Variants in SRBD1 observed in about 807,000 individuals in gnomAD.
SRBD1 encodes S1 RNA-binding domain-containing protein 1.
SRBD1 carries 88 observed loss-of-function variants against 115.3 expected under a neutral mutation model. The ratio of observed to expected loss-of-function variants is 0.76; its 90% CI spans 0.64 to 0.91. The LOEUF (loss-of-function observed/expected upper bound fraction) is 0.91, where lower values mean the gene tolerates loss of function less well. Ranked by LOEUF, SRBD1 falls within the 40% of genes least tolerant of loss-of-function variation. SRBD1 has a pLI of 0.00. For synonymous variants in SRBD1, 509 were observed against 407.7 expected (o/e 1.25, Z -2.99); for missense variants, 1,385 against 1,177.4 (o/e 1.18, Z -2.58).
chr2:45,507,197 T>C (rs1021773826), intron 14 of SRBD1, among the ~76,000 whole-genome samples: 5 of 152,240 alleles, frequency 3.3e-5, no homozygotes, highest in African/African-American at 9.6e-5. Context: ...GTATCTCAAC[T>C]GAAATACAAG....
chr2:45,485,726 A>T lies in SRBD1; in HGVS notation c.1966+2514T>A, dbSNP rs144373841. Among the ~76,000 whole-genome samples, 7 of 152,336 alleles carry T rather than the reference A, an allele frequency of 4.6e-5. No homozygotes were observed. The East Asian group carries it at 1.2e-3, about 25-fold the overall frequency. On this transcript the variant is annotated intron_variant, in intron 15 of 20. Transcript: ENST00000263736. ...AAGTTCTGTTATATTCTTATACAGC[A>T]AACTTTTAGAGGACTTAAAGGTAAA...
intron 1 of SRBD1, 113 bp from the exon 2 acceptor site, chr2:45,605,554 A>C: frequency 6.2e-6 from 6 of 968,186 alleles, no homozygotes; most frequent in Non-Finnish European, 7.9e-6. Flanking sequence ...AACAAAAACA[A>C]TGATGTTTAT....
intron 1 of SRBD1, among the ~76,000 whole-genome samples, chr2:45,608,280 C>A (rs1399226483): frequency 1.3e-5 from 2 of 152,064 alleles, no homozygotes; most frequent in Admixed American, 1.3e-4. Context: ...TTTCTTTTCA[C>A]AAATGTTAAA....
intron 18 of SRBD1, among the ~76,000 whole-genome samples, chr2:45,414,496 ATAGT>A (rs1344717482): frequency 3.3e-5 from 5 of 150,764 alleles, no homozygotes; most frequent in South Asian, 2.1e-4. Flanking sequence ...CAGTGTGTAT[ATAGT>A]GTGTGTGTAC....
chr2:45,555,077 C>G (rs1442296855), intron 10 of SRBD1, among the ~76,000 whole-genome samples: 3 of 152,114 alleles, frequency 2.0e-5, no homozygotes, highest in African/African-American at 7.2e-5. Flanking sequence ...TCCTTTCCCT[C>G]CACGATCCCC....
intron 16 of SRBD1, among the ~76,000 whole-genome samples, chr2:45,439,274 T>C (rs1668589519): frequency 6.6e-6 from 1 of 151,772 alleles, no homozygotes; most frequent in Non-Finnish European, 1.5e-5. Context: ...AATATATGGG[T>C]AAATATAAAA....
chr2:45,459,859 G>A (rs1170238691), intron 16 of SRBD1, among the ~76,000 whole-genome samples: 1 of 152,120 alleles, frequency 6.6e-6, no homozygotes, highest in African/African-American at 2.4e-5. Flanking sequence ...CACTGAACAA[G>A]GATGGTGCCA....
At chr2:45,406,883 T>C (rs895462504) in intron 19 of SRBD1, among the ~76,000 whole-genome samples, 11 of 152,308 alleles carry the variant, frequency 7.2e-5, no homozygotes, top group Admixed American at 4.6e-4. Context: ...CTTTTTTTTT[T>C]TTCTTCTTAA....
chr2:45,533,566 T>C (rs1671677232), intron 14 of SRBD1, among the ~76,000 whole-genome samples: 1 of 152,062 alleles, frequency 6.6e-6, no homozygotes. Context: ...CAAAATTGTA[T>C]ACAGGAAATT....
chr2:45,581,731 T>A lies in SRBD1; in HGVS notation c.895A>T (p.Met299Leu), dbSNP rs761468640. 1.2e-6 allele frequency: 2 copies of A among 1,613,464 alleles called. No homozygotes were observed. Among genetic ancestry groups the A allele is most frequent in the Non-Finnish European group, 1.7e-6 (2 of 1,179,788 alleles). ...TCTTCAAAAGTTTTACAATTCAGCATGGCTTTTAACAAGCACTCAGACATC... is the reference window on the plus strand; with the variant it reads ...TCTTCAAAAGTTTTACAATTCAGCAAGGCTTTTAACAAGCACTCAGACATC... ...GKMSECLLKA[M>L]LNCKTFEELE... The change falls in exon 6 of 21, where the codon ATG (methionine) becomes TTG (leucine). Residue 299 changes from methionine to leucine, a missense_variant. Transcript: ENST00000263736.
chr2:45,534,166 C>T (rs1671695136), intron 14 of SRBD1, among the ~76,000 whole-genome samples: 1 of 151,982 alleles, frequency 6.6e-6, no homozygotes, highest in African/African-American at 2.4e-5. Flanking sequence ...ACCACACACA[C>T]ATATACATAC....
chr2:45,553,609 G>C lies in SRBD1; in HGVS notation c.1517+14C>G, dbSNP rs1218711125. 5 of 1,528,000 alleles carry C rather than the reference G, an allele frequency of 3.3e-6. No homozygotes were observed. Among genetic ancestry groups the C allele is most frequent in the East Asian group, 2.3e-5 (1 of 43,542 alleles). The allele number at this position is 1,528,000 out of a possible 1,614,324, so 94.7% of individuals were successfully genotyped here. A position where few individuals can be genotyped will look rare whatever the true frequency, so the allele number is the denominator to read the frequency against. On this transcript the variant is annotated intron_variant, in intron 11 of 20. Transcript: ENST00000263736. ...ATAATCAGTACACAAAATTAAACAA[G>C]ACAAGATATATACCTGAATTCTCTA...
chr2:45,449,470 G>A (rs926021422), intron 16 of SRBD1, among the ~76,000 whole-genome samples: 4 of 152,112 alleles, frequency 2.6e-5, no homozygotes, highest in Admixed American at 6.6e-5. Flanking sequence ...ATCGCCATAT[G>A]ACTTCAAAGT....
chr2:45,494,287 A>C (rs1274230279), intron 14 of SRBD1, among the ~76,000 whole-genome samples: 2 of 152,176 alleles, frequency 1.3e-5, no homozygotes, highest in African/African-American at 4.8e-5. Context: ...TTTCTGCAAT[A>C]ACCATGTAAT....
At chr2:45,562,998 C>G (rs907010384) in intron 9 of SRBD1, among the ~76,000 whole-genome samples, 1 of 152,100 alleles carries the variant, frequency 6.6e-6, no homozygotes, top group African/African-American at 2.4e-5. Context: ...CAAGAAGAGA[C>G]TTTGATGATC....
intron 14 of SRBD1, among the ~76,000 whole-genome samples, chr2:45,512,897 G>T (rs1329734976): frequency 6.6e-6 from 1 of 152,044 alleles, no homozygotes; most frequent in East Asian, 1.9e-4. Flanking sequence ...GAAAAAAAAG[G>T]TCTGTCCCCT....
At chr2:45,571,461 G>T (rs923264454) in intron 9 of SRBD1, among the ~76,000 whole-genome samples, 1 of 127,312 alleles carries the variant, frequency 7.9e-6, no homozygotes, top group African/African-American at 2.9e-5. Context: ...GGGGAGGGGA[G>T]AGAATCTGAT....
Position 45,599,530 on chromosome 2 carries a change from A to G in SRBD1, c.567T>C (p.Tyr189=), listed in dbSNP as rs1302296458. Residue 189 remains tyrosine, a synonymous_variant, in exon 4 of 21, where the codon TAT becomes TAC. Coordinates refer to ENST00000263736, the MANE Select transcript of SRBD1 (RefSeq NM_018079.5). The stretch of plus-strand genomic sequence containing the variant: ...GAAACTTGACAGGCTGCCCCTGAGG[A>G]TATGTCTCAGTCTTGATTTTCTTTA... The part of the protein sequence containing the change: ...SALKKIKTET[Y]PQGQPVKFPA... The G allele has an allele frequency of 1.2e-6, 2 of 1,614,158 alleles. No individual in the cohort carries two copies. Among genetic ancestry groups the G allele is most frequent in the Non-Finnish European group, 1.7e-6 (2 of 1,180,032 alleles).
intron 15 of SRBD1, among the ~76,000 whole-genome samples, chr2:45,487,229 T>A (rs1670149318): frequency 6.6e-6 from 1 of 152,148 alleles, no homozygotes; most frequent in Non-Finnish European, 1.5e-5. Flanking sequence ...AAGGAAAAAA[T>A]TAAATAAAAG....
Sources: gnomAD v4.1 joint callset for allele counts (sites outside exome capture counted in the v4.1 genomes callset) on GRCh38, gnomAD v4.1.1 for gene constraint, MANE v1.5 for transcripts, NCBI Gene and HGNC (gene_info 2026-07-23, HGNC 2026-07-21) for gene names.